Variants in AGPAT4 observed in about 807,000 individuals in gnomAD.
The protein encoded by AGPAT4 is 1-acylglycerol-3-phosphate O-acyltransferase 4, also known as 1-acyl-sn-glycerol-3-phosphate acyltransferase delta.
A neutral mutation model predicts 48.0 loss-of-function variants in AGPAT4; 15 were observed. The ratio of observed to expected loss-of-function variants is 0.31; its 90% CI spans 0.21 to 0.48. AGPAT4 has a LOEUF of 0.48. Ranked by LOEUF, AGPAT4 falls within the 20% of genes least tolerant of loss-of-function variation. AGPAT4 has a pLI of 0.99. For synonymous variants in AGPAT4, 178 were observed against 198.7 expected (o/e 0.90, Z 0.88); for missense variants, 314 against 482.5 (o/e 0.65, Z 3.27).
At position 161,189,295 on chromosome 6, in the gene AGPAT4, C is replaced by T. The variant is rs1352112472; in HGVS notation, c.179-22878G>A. 1.3e-5 allele frequency among the ~76,000 whole-genome samples: 2 copies of T among 152,106 alleles called. No homozygotes were observed. The highest frequency in any genetic ancestry group is 2.9e-5 in the Non-Finnish European group (2 of 68,042). ...CCCCATCTGGCTCTTGTGGTGAAGTCTAATGAGTGTGCCAAGACCAGCAGG... is the reference window on the plus strand; with the variant it reads ...CCCCATCTGGCTCTTGTGGTGAAGTTTAATGAGTGTGCCAAGACCAGCAGG... On this transcript the variant is annotated intron_variant, in intron 2 of 8. Transcript: ENST00000320285. This position sits in a 1 kb window ranked among gnomAD's most constrained non-coding sequence, Gnocchi z 5.3.
rs1205037593 is a variant in AGPAT4, at chr6:161,259,398, C to T, written c.-90+14540G>A. Among the ~76,000 whole-genome samples, 1 of 152,016 alleles carries T rather than the reference C, an allele frequency of 6.6e-6. No homozygotes were observed. Among genetic ancestry groups the T allele is most frequent in the East Asian group, 2.0e-4 (1 of 5,120 alleles). The stretch of plus-strand genomic sequence containing the variant: ...TAGTCCTAATATGACCTTGGCTGTC[C>T]GCAGCGCGTATGCTTTGAGTTGCTG... On this transcript the variant is annotated intron_variant, in intron 1 of 8. Coordinates refer to ENST00000320285, the MANE Select transcript of AGPAT4 (RefSeq NM_020133.3). This position sits in a 1 kb window ranked among gnomAD's most constrained non-coding sequence, Gnocchi z 4.9.
At chr6:161,156,232 G>A (rs1216263926) in intron 3 of AGPAT4, among the ~76,000 whole-genome samples, 1 of 152,180 alleles carries the variant, frequency 6.6e-6, no homozygotes, top group Non-Finnish European at 1.5e-5. Flanking sequence ...CACTAGAGAG[G>A]AGTCAGCAAG....
chr6:161,253,153 C>T (rs1221737339), intron 1 of AGPAT4, among the ~76,000 whole-genome samples: 2 of 149,988 alleles, frequency 1.3e-5, no homozygotes, highest in Non-Finnish European at 3.0e-5. Flanking sequence ...GTGGAGGTTG[C>T]AGTGAGCCAA....
chr6:161,210,167 C>A (rs1267369104), intron 2 of AGPAT4, among the ~76,000 whole-genome samples: 2 of 152,148 alleles, frequency 1.3e-5, no homozygotes, highest in Admixed American at 1.3e-4. Context: ...TCTAAATAAA[C>A]CTGGTCTCCT....
rs1047013630 is a variant in AGPAT4 at position 161,140,947 on chromosome 6, G to A, written c.844-1327C>T. Among the ~76,000 whole-genome samples the A allele has an allele frequency of 6.6e-6, 1 of 152,200 alleles. No individual in the cohort carries two copies. Among genetic ancestry groups the A allele is most frequent in the Non-Finnish European group, 1.5e-5 (1 of 68,032 alleles). On this transcript the variant is annotated intron_variant, in intron 7 of 8. Coordinates refer to ENST00000320285, the MANE Select transcript of AGPAT4 (RefSeq NM_020133.3). This position sits in a 1 kb window ranked among gnomAD's most constrained non-coding sequence, Gnocchi z 6.5. ...CCTAGTAATGTCCCAGTTCTCTAAG[G>A]AGTCGAGTTTTCTGGAAAATGAGCT...
chr6:161,171,793 G>A lies in AGPAT4; in HGVS notation c.179-5376C>T, dbSNP rs1047813681. On this transcript the variant is annotated intron_variant, in intron 2 of 8. Transcript: ENST00000320285. The surrounding 1 kb of genome is among the most constrained non-coding windows in gnomAD (Gnocchi z 4.4). ...CAGGCACCTGTAGTCCCAGCTACTC[G>A]GGAGTCTGAGGCAGGAGAATGGCAT... 1.3e-5 allele frequency among the ~76,000 whole-genome samples: 2 copies of A among 151,820 alleles called. No homozygotes were observed. The highest frequency in any genetic ancestry group is 1.5e-5 in the Non-Finnish European group (1 of 67,970).
Position 161,147,432 on chromosome 6 carries a change from G to A in AGPAT4, c.768-833C>T, listed in dbSNP as rs1457806921. ...CTCAATTTTGTCCATGTCAAAGTCT[G>A]CATCTGGCTTGATTTCTCAGGTCAC... On this transcript the variant is annotated intron_variant, in intron 6 of 8. Coordinates refer to ENST00000320285, the MANE Select transcript of AGPAT4 (RefSeq NM_020133.3). This position sits in a 1 kb window ranked among gnomAD's most constrained non-coding sequence, Gnocchi z 4.8. Among the ~76,000 whole-genome samples, 1 of 152,180 alleles carries A rather than the reference G, an allele frequency of 6.6e-6. No homozygotes were observed. Among genetic ancestry groups the A allele is most frequent in the East Asian group, 1.9e-4 (1 of 5,198 alleles).
chr6:161,145,551 TGTCTAAA>T (rs1202764771), intron 7 of AGPAT4, among the ~76,000 whole-genome samples: 1 of 151,678 alleles, frequency 6.6e-6, no homozygotes, highest in Non-Finnish European at 1.5e-5. Flanking sequence ...GACTGAAATT[TGTCTAAA>T]GGAGGCAAAT....
In AGPAT4 at chr6:161,136,607, C is replaced by T. The variant is rs368347757; in HGVS notation, c.1070G>A (p.Gly357Asp). 3 of 1,614,090 alleles carry T rather than the reference C, an allele frequency of 1.9e-6. No individual in the cohort carries two copies. Among genetic ancestry groups the T allele is most frequent in the African/African-American group, 2.7e-5 (2 of 74,942 alleles). Residue 357 changes from glycine (G) to aspartate (D), a missense_variant, in exon 9 of 9, where the codon GGT becomes GAT. Coordinates refer to ENST00000320285, the MANE Select transcript of AGPAT4 (RefSeq NM_020133.3). Reference sequence around the variant, plus strand: ...AGAGCCCTTGTCAATTTCCGTCACACCAATCATCCATCGAACTCCCACGGA... The same window carrying T: ...AGAGCCCTTGTCAATTTCCGTCACATCAATCATCCATCGAACTCCCACGGA... ...VASVGVRWMIGVTEIDKGSAY... is the reference protein window; with the variant it reads ...VASVGVRWMIDVTEIDKGSAY...
intron 3 of AGPAT4, among the ~76,000 whole-genome samples, chr6:161,162,810 A>G (rs1779975546): frequency 6.6e-6 from 1 of 152,224 alleles, no homozygotes; most frequent in Non-Finnish European, 1.5e-5. Context: ...CAGACACTGA[A>G]CGATCATGCT....
chr6:161,173,545 C>A (rs1424427492), intron 2 of AGPAT4, among the ~76,000 whole-genome samples: 1 of 152,234 alleles, frequency 6.6e-6, no homozygotes, highest in South Asian at 2.1e-4. Flanking sequence ...TGGATATTAG[C>A]CCTTTGTCAG....
Position 161,272,328 on chromosome 6 carries a change from C to T in AGPAT4, c.-90+1610G>A, listed in dbSNP as rs1424080321. Among the ~76,000 whole-genome samples, 1 of 152,194 alleles carries T rather than the reference C, an allele frequency of 6.6e-6. No individual in the cohort carries two copies. Among genetic ancestry groups the T allele is most frequent in the East Asian group, 1.9e-4 (1 of 5,190 alleles). ...GAAGGTATGAGGGCTAAGTGACCTT[C>T]ACACATGTTTATCTTAAATTATAGA... On this transcript the variant is annotated intron_variant, in intron 1 of 8. Coordinates refer to ENST00000320285, the MANE Select transcript of AGPAT4 (RefSeq NM_020133.3). The surrounding 1 kb of genome is among the most constrained non-coding windows in gnomAD (Gnocchi z 4.2).
intron 2 of AGPAT4, among the ~76,000 whole-genome samples, chr6:161,187,131 A>AC (rs1394815501): frequency 6.6e-6 from 1 of 152,270 alleles, no homozygotes; most frequent in East Asian, 1.9e-4. Flanking sequence ...ACTGCTGTGA[A>AC]CATCTAAGAA....
Position 161,246,992 on chromosome 6 carries a change from C to T in AGPAT4, c.-89-14690G>A, listed in dbSNP as rs146604268. ...CAAGTTATTCTCCCTGCAAAATCCA[C>T]GCAGATGAACCCACAAGATTGCTCT... On this transcript the variant is annotated intron_variant, in intron 1 of 8. Transcript: ENST00000320285. This position sits in a 1 kb window ranked among gnomAD's most constrained non-coding sequence, Gnocchi z 5.5. Among the ~76,000 whole-genome samples the T allele has an allele frequency of 8.5e-5, 13 of 152,338 alleles. No homozygotes were observed. The highest frequency in any genetic ancestry group is 2.6e-4 in the African/African-American group (11 of 41,578).
In AGPAT4 at chr6:161,159,307, T is replaced by C. The variant is rs1352051135; in HGVS notation, c.349-4997A>G. Among the ~76,000 whole-genome samples the C allele has an allele frequency of 6.6e-6, 1 of 152,158 alleles. No individual in the cohort carries two copies. The highest frequency in any genetic ancestry group is 1.9e-4 in the East Asian group (1 of 5,184). On this transcript the variant is annotated intron_variant, in intron 3 of 8. Transcript: ENST00000320285. The surrounding 1 kb of genome is among the most constrained non-coding windows in gnomAD (Gnocchi z 4.1). ...GCTCTGTCTGTGCAAAGGTATTGATTAAGAAGCCCCCTATGCCAGGCATTA... is the reference window on the plus strand; with the variant it reads ...GCTCTGTCTGTGCAAAGGTATTGATCAAGAAGCCCCCTATGCCAGGCATTA...
In AGPAT4 at chr6:161,272,369, T is replaced by C. The variant is rs576260009; in HGVS notation, c.-90+1569A>G. ...AAATTATAGATAATTTTAAGAGTCA[T>C]GAATGGGATTACTACTTATCTATTT... On this transcript the variant is annotated intron_variant, in intron 1 of 8. Coordinates refer to ENST00000320285, the MANE Select transcript of AGPAT4 (RefSeq NM_020133.3). The surrounding 1 kb of genome is among the most constrained non-coding windows in gnomAD (Gnocchi z 4.2). Among the ~76,000 whole-genome samples the C allele has an allele frequency of 3.7e-4, 56 of 152,304 alleles. No homozygotes were observed. Among genetic ancestry groups the C allele is most frequent in the Non-Finnish European group, 5.1e-4 (35 of 68,038 alleles).
Position 161,161,866 on chromosome 6 carries a change from G to A in AGPAT4, c.348+4382C>T. On this transcript the variant is annotated intron_variant, in intron 3 of 8. Coordinates refer to ENST00000320285, the MANE Select transcript of AGPAT4 (RefSeq NM_020133.3). The surrounding 1 kb of genome is among the most constrained non-coding windows in gnomAD (Gnocchi z 4.6). ...AAAGAGGCAGCACAGGGCTTTATGG[G>A]CGCCCTCACGCACAGGCACTCTGCC... The A allele has an allele frequency of 3.9e-6, 1 of 253,996 alleles. No homozygotes were observed. 15.7% of individuals were successfully genotyped at this position (253,996 alleles called of 1,614,324 possible). A position where few individuals can be genotyped will look rare whatever the true frequency, so the allele number is the denominator to read the frequency against.
rs1317869501 is a variant in AGPAT4 at position 161,138,206 on chromosome 6, T to TA, written c.1042+1215dup. Reference sequence around the variant, plus strand: ...TGAGGTGCTTTCTTCTCCAACCTCTTATTTTTTTCCCTTACACGGTGTGGG... The same window carrying TA: ...TGAGGTGCTTTCTTCTCCAACCTCTTAATTTTTTTCCCTTACACGGTGTGGG... On this transcript the variant is annotated intron_variant, in intron 8 of 8. Transcript: ENST00000320285. This position sits in a 1 kb window ranked among gnomAD's most constrained non-coding sequence, Gnocchi z 4.8. Among the ~76,000 whole-genome samples, 1 of 152,232 alleles carries TA rather than the reference T, an allele frequency of 6.6e-6. No individual in the cohort carries two copies.
At chr6:161,224,159 G>A (rs937103021) in intron 2 of AGPAT4, among the ~76,000 whole-genome samples, 5 of 152,066 alleles carry the variant, frequency 3.3e-5, no homozygotes, top group African/African-American at 1.2e-4. Flanking sequence ...ACCTGATATG[G>A]TCTTTTGTTG....
Sources: allele counts gnomAD v4.1 joint callset (sites outside exome capture counted in the v4.1 genomes callset), GRCh38; gene constraint gnomAD v4.1.1; non-coding constraint Gnocchi (gnomAD v3.1); transcripts MANE v1.5; gene names NCBI Gene and HGNC (gene_info 2026-07-23, HGNC 2026-07-21).